Variants in PCDHA5 observed in about 807,000 individuals in gnomAD.
PCDHA5 encodes protocadherin alpha 5, also known as protocadherin alpha-5.
Under a neutral mutation model 61.6 loss-of-function variants are expected in PCDHA5, and 43 were observed. The observed-to-expected ratio is 0.70, with a 90% CI of 0.55 to 0.90. The LOEUF (loss-of-function observed/expected upper bound fraction) is 0.90, where lower values mean the gene tolerates loss of function less well. PCDHA5 is among the 40% of genes least tolerant of loss of function. The pLI is 0.00. For missense variants in PCDHA5, 1,298 were observed against 1,222.7 expected, an observed-to-expected ratio of 1.06 and a Z score of -0.92; for synonymous variants, 627 against 543.9, an observed-to-expected ratio of 1.15 and a Z score of -2.13.
Position 140,875,458 on chromosome 5 carries a change from C to T in PCDHA5, c.2352+51331C>T, listed in dbSNP as rs149655466. ...AAAACTGATTGTCCCAACTCAGAGG[C>T]CCTCATTTTCTGCAATGGTGATTAT... On this transcript the variant is annotated intron_variant, in intron 1 of 3. Transcript: ENST00000529859. The T allele has an allele frequency of 1.1e-3, 1,729 of 1,596,942 alleles. 10 individuals are homozygous for T. In the African/African-American group the frequency reaches 0.015, roughly 14 times the overall value.
intron 1 of PCDHA5, chr5:140,865,728 T>C (rs1052740962): frequency 5.3e-5 from 8 of 152,218 alleles, no homozygotes; most frequent in Admixed American, 4.6e-4. Flanking sequence ...AGCTGAGATG[T>C]GTATCTATTT....
chr5:140,873,126 G>A (rs2054115570), intron 1 of PCDHA5, among the ~76,000 whole-genome samples: 1 of 152,124 alleles, frequency 6.6e-6, no homozygotes, highest in Admixed American at 6.5e-5. Context: ...AATATTCAAA[G>A]AGTCTATGCT....
chr5:140,934,684 A>C (rs1026507859), intron 1 of PCDHA5, among the ~76,000 whole-genome samples: 9 of 152,178 alleles, frequency 5.9e-5, no homozygotes, highest in Non-Finnish European at 1.3e-4. Flanking sequence ...TATTCAAAAC[A>C]ATGAATTGAT....
At chr5:141,006,406 G>A (rs553100919) in intron 3 of PCDHA5, among the ~76,000 whole-genome samples, 1 of 152,050 alleles carries the variant, frequency 6.6e-6, no homozygotes, top group East Asian at 1.9e-4. Context: ...GTAGAGACGC[G>A]GTTTCACTGT....
intron 1 of PCDHA5, chr5:140,884,747 T>A: frequency 7.0e-7 from 1 of 1,433,190 alleles, no homozygotes; most frequent in African/African-American, 1.4e-5. Context: ...TCCTGCCAAT[T>A]TCAAATTATT....
chr5:140,907,412 A>G (rs889699438), intron 1 of PCDHA5, among the ~76,000 whole-genome samples: 5 of 152,232 alleles, frequency 3.3e-5, no homozygotes, highest in Non-Finnish European at 7.3e-5. Flanking sequence ...GAATACCACG[A>G]TGGTGGATAA....
chr5:140,823,254 G>A lies in PCDHA5; in HGVS notation c.1479G>A (p.Leu493=), dbSNP rs61730630. The change falls in exon 1 of 4, where the codon CTG becomes CTA. Residue 493 remains leucine, a synonymous_variant. Transcript: ENST00000529859. ...AGAACGCCCTGGTGTCCTACTCGCTGGTGGAGCGGCGGGTGGGCGAGCGCC... is the reference window on the plus strand; with the variant it reads ...AGAACGCCCTGGTGTCCTACTCGCTAGTGGAGCGGCGGGTGGGCGAGCGCC... ...AQENALVSYS[L]VERRVGERPL... 1 of 1,613,288 alleles carries A rather than the reference G, an allele frequency of 6.2e-7. No individual in the cohort carries two copies. Among genetic ancestry groups the A allele is most frequent in the Non-Finnish European group, 8.5e-7 (1 of 1,179,798 alleles).
chr5:140,983,284 A>G (rs540419188), intron 3 of PCDHA5, among the ~76,000 whole-genome samples: 1 of 152,330 alleles, frequency 6.6e-6, no homozygotes, highest in East Asian at 1.9e-4. Context: ...GAGTATAGGA[A>G]AATTGCTTAA....
At chr5:140,972,625 G>A (rs2096544051) in intron 1 of PCDHA5, among the ~76,000 whole-genome samples, 1 of 151,044 alleles carries the variant, frequency 6.6e-6, no homozygotes, top group African/African-American at 2.4e-5. Flanking sequence ...AATGTTGTTG[G>A]CACTCCCTTC....
Position 140,914,249 on chromosome 5 carries a change from G to T in PCDHA5, c.2353-64700G>T, listed in dbSNP as rs186578589. 2.8e-3 allele frequency among the ~76,000 whole-genome samples: 422 copies of T among 152,092 alleles called. 2 individuals carry two copies. Among genetic ancestry groups the T allele is most frequent in the Middle Eastern group, 0.014 (4 of 294 alleles). ...AATACTATTTGCTTTTTATATCTGG[G>T]TGCTTCAATGGTGGGTGCATATATA... is the stretch of plus-strand genomic sequence containing the variant. On this transcript the variant is annotated intron_variant, in intron 1 of 3. Coordinates refer to ENST00000529859, the MANE Select transcript of PCDHA5 (RefSeq NM_018908.3).
rs782073950 is a variant in PCDHA5, at chr5:140,978,950, C to G, written c.2354C>G (p.Pro785Arg). The G allele has an allele frequency of 1.2e-6, 2 of 1,614,102 alleles. No individual in the cohort carries two copies. The highest frequency in any genetic ancestry group is 1.7e-6 in the Non-Finnish European group (2 of 1,180,022). Reference sequence around the variant, plus strand: ...AAAACTCTCTTTGTGATTTTGCAGCCACGACAGCCCAACCCTGACTGGCGT... The same window carrying G: ...AAAACTCTCTTTGTGATTTTGCAGCGACGACAGCCCAACCCTGACTGGCGT... ...LPQGPTSTDN[P>R]RQPNPDWRYS... The change falls in exon 2 of 4, where the codon CCA becomes CGA. Residue 785 changes from proline to arginine, a missense_variant and splice_region_variant. Coordinates refer to ENST00000529859, the MANE Select transcript of PCDHA5 (RefSeq NM_018908.3).
In PCDHA5 at chr5:140,970,051, C is replaced by T. The variant is rs915260486; in HGVS notation, c.2353-8898C>T. 4.0e-5 allele frequency among the ~76,000 whole-genome samples: 6 copies of T among 151,880 alleles called. No individual in the cohort carries two copies. The South Asian group carries it at 1.2e-3, about 32-fold the overall frequency. On this transcript the variant is annotated intron_variant, in intron 1 of 3. Coordinates refer to ENST00000529859, the MANE Select transcript of PCDHA5 (RefSeq NM_018908.3). Reference sequence around the variant, plus strand: ...TTAAGTACCAATTTGTCTGGTTGGTCCAGGGAGGTATTAGAATGAGTGGAT... The same window carrying T: ...TTAAGTACCAATTTGTCTGGTTGGTTCAGGGAGGTATTAGAATGAGTGGAT...
chr5:140,823,200 G>C lies in PCDHA5; in HGVS notation c.1425G>C (p.Thr475=). Residue 475 remains threonine, a synonymous_variant, in exon 1 of 4, where the codon ACG becomes ACC. Transcript: ENST00000529859. ...ENNPPGCHIF[T]VSARDADAQE... ...ACCCGCCAGGCTGCCACATCTTCAC[G>C]GTGTCTGCACGGGACGCGGACGCGC... 1.9e-6 allele frequency: 3 copies of C among 1,613,866 alleles called. No individual in the cohort carries two copies. Among genetic ancestry groups the C allele is most frequent in the Admixed American group, 1.7e-5 (1 of 60,020 alleles).
Position 140,871,268 on chromosome 5 carries a change from G to T in PCDHA5, c.2352+47141G>T, listed in dbSNP as rs368729446. ...CTGCTGCTGTATACGGCGCTGTGGTGGTCGGCAACGCCCACTGAGGGCGCG... is the reference window on the plus strand; with the variant it reads ...CTGCTGCTGTATACGGCGCTGTGGTTGTCGGCAACGCCCACTGAGGGCGCG... On this transcript the variant is annotated intron_variant, in intron 1 of 3. Transcript: ENST00000529859. 53 of 1,613,850 alleles carry T rather than the reference G, an allele frequency of 3.3e-5. No homozygotes were observed. The African/African-American group carries it at 6.7e-4, about 20-fold the overall frequency.
At chr5:140,967,136 C>CTT (rs1401459371) in intron 1 of PCDHA5, 1 of 1,611,568 alleles carries the variant, frequency 6.2e-7, no homozygotes, top group African/African-American at 1.3e-5. Context: ...CTTGGAAGTG[C>CTT]TGGCGCACAA....
chr5:140,888,322 C>T (rs983342995), intron 1 of PCDHA5, among the ~76,000 whole-genome samples: 23 of 152,148 alleles, frequency 1.5e-4, no homozygotes, highest in African/African-American at 5.6e-4. Context: ...TGCCTGGATA[C>T]ATTTTTGGTT....
At chr5:140,925,971 A>C (rs2082843743) in intron 1 of PCDHA5, among the ~76,000 whole-genome samples, 1 of 152,190 alleles carries the variant, frequency 6.6e-6, no homozygotes, top group African/African-American at 2.4e-5. Flanking sequence ...ACGCAAAAAA[A>C]AAGCCTTGAG....
At chr5:140,876,360 T>C in intron 1 of PCDHA5, 1 of 1,613,962 alleles carries the variant, frequency 6.2e-7, no homozygotes, top group Non-Finnish European at 8.5e-7. Context: ...TTTCAATAAA[T>C]CCAGACACAG....
intron 1 of PCDHA5, chr5:140,862,180 CA>C (rs1408132694): frequency 6.0e-6 from 1 of 165,728 alleles, no homozygotes; most frequent in African/African-American, 2.4e-5. Context: ...GCAGTTGACA[CA>C]GGCAATTCCC....
Sources: allele counts gnomAD v4.1 joint callset (sites outside exome capture counted in the v4.1 genomes callset), GRCh38; gene constraint gnomAD v4.1.1; transcripts MANE v1.5; gene names NCBI Gene and HGNC (gene_info 2026-07-23, HGNC 2026-07-21).